Variants in TENM3 observed in about 807,000 individuals in gnomAD.
TENM3 encodes teneurin-3.
TENM3 carries 63 observed loss-of-function variants against 255.1 expected under a neutral mutation model. That is an observed-to-expected ratio of 0.25 (90% CI 0.20 to 0.30). TENM3 has a LOEUF of 0.30. Among genes scored for constraint, TENM3 ranks in the 10% least tolerant of loss-of-function variants. The pLI, the probability that TENM3 is intolerant of heterozygous loss-of-function variation, is 1.00. For synonymous variants in TENM3, 1,306 were observed against 1,322.3 expected (o/e 0.99, Z 0.27); for missense variants, 2,929 against 3,461.1 (o/e 0.85, Z 3.86).
At chr4:181,859,200 G>A in the TENM3 span, among the ~76,000 whole-genome samples, 1 of 127,136 alleles carries the variant, frequency 7.9e-6, no homozygotes, top group African/African-American at 2.9e-5. Context: ...CCGAGATCGT[G>A]CCACTGCGCT....
rs1374225660 is a variant in TENM3, at chr4:182,346,678, GAGTTTGTGAACCAGC to G, written c.262_276del (p.Val88_Ala92del). ...CAGAATTTTACCCTAAGGCAGTTAG[GAGTTTGTGAACCAGC>G]AACTCGAAGAGGACTGGCATTTTGT... is the stretch of plus-strand genomic sequence containing the variant. On this transcript the variant is annotated inframe_deletion, in exon 3 of 28. Coordinates refer to ENST00000511685, the MANE Select transcript of TENM3 (RefSeq NM_001080477.4). 1 of 1,613,740 alleles carries G rather than the reference GAGTTTGTGAACCAGC, an allele frequency of 6.2e-7. No individual in the cohort carries two copies. The highest frequency in any genetic ancestry group is 8.5e-7 in the Non-Finnish European group (1 of 1,179,828).
intron 11 of TENM3, among the ~76,000 whole-genome samples, chr4:182,684,030 G>A (rs1286361952): frequency 6.6e-6 from 1 of 151,798 alleles, no homozygotes; most frequent in Non-Finnish European, 1.5e-5. Context: ...GGGGGAGGCT[G>A]ATTGAAGAGG....
the TENM3 span, among the ~76,000 whole-genome samples, chr4:182,076,213 CTT>C: frequency 0.04 from 5,015 of 125,966 alleles, 92 homozygotes; most frequent in Non-Finnish European, 0.044. Context: ...TCTTCTTCTT[CTT>C]TTTTTTTTTT....
chr4:181,630,692 C>A, the TENM3 span, among the ~76,000 whole-genome samples: 2 of 152,076 alleles, frequency 1.3e-5, no homozygotes, highest in Non-Finnish European at 2.9e-5. Flanking sequence ...GATTGCACTG[C>A]GGTCTGAGAA....
intron 1 of TENM3, among the ~76,000 whole-genome samples, chr4:182,184,131 G>A (rs1257343755): frequency 2.0e-5 from 3 of 152,142 alleles, no homozygotes; most frequent in East Asian, 1.9e-4. Context: ...TACAGCAAGA[G>A]TACTATAGGT....
chr4:182,146,669 C>T (rs1306376093), intron 1 of TENM3, among the ~76,000 whole-genome samples: 1 of 152,122 alleles, frequency 6.6e-6, no homozygotes, highest in Non-Finnish European at 1.5e-5. Context: ...ATTTTACATG[C>T]ACTGCACAGT....
At chr4:182,247,087 T>C (rs143333964) in intron 1 of TENM3, among the ~76,000 whole-genome samples, 1 of 152,172 alleles carries the variant, frequency 6.6e-6, no homozygotes, top group Non-Finnish European at 1.5e-5. Context: ...AATGGTGTTT[T>C]TGAAGGACAG....
At chr4:182,549,536 A>C (rs1438979146) in intron 3 of TENM3, among the ~76,000 whole-genome samples, 1 of 152,208 alleles carries the variant, frequency 6.6e-6, no homozygotes, top group African/African-American at 2.4e-5. Context: ...GTTGGAAAGC[A>C]AATGTTAGGC....
intron 3 of TENM3, among the ~76,000 whole-genome samples, chr4:182,484,015 C>G (rs559895805): frequency 1.3e-5 from 2 of 152,102 alleles, no homozygotes; most frequent in Non-Finnish European, 2.9e-5. Flanking sequence ...GACACAAACC[C>G]GAACCACATC....
At chr4:182,700,834 A>G (rs1323064619) in intron 12 of TENM3, among the ~76,000 whole-genome samples, 1 of 152,118 alleles carries the variant, frequency 6.6e-6, no homozygotes, top group Non-Finnish European at 1.5e-5. Flanking sequence ...TATATACTAA[A>G]TTAGTTTTTA....
chr4:181,490,560 G>A, the TENM3 span, among the ~76,000 whole-genome samples: 4 of 152,084 alleles, frequency 2.6e-5, no homozygotes, highest in African/African-American at 4.8e-5. Flanking sequence ...CCCTAATCCC[G>A]AGCAAGAGGA....
intron 3 of TENM3, among the ~76,000 whole-genome samples, chr4:182,504,298 C>T (rs575386175): frequency 4.0e-5 from 6 of 151,898 alleles, no homozygotes; most frequent in South Asian, 2.1e-4. Context: ...CAGAGAGAGA[C>T]GTAAATGCTT....
chr4:182,755,379 G>A lies in TENM3; in HGVS notation c.4892+120G>A, dbSNP rs1001355416. On this transcript the variant is annotated intron_variant, in intron 22 of 27. Coordinates refer to ENST00000511685, the MANE Select transcript of TENM3 (RefSeq NM_001080477.4). Reference sequence around the variant, plus strand: ...ATGTTTTTGAGAGTCTAGAGCTTCTGTAATTTTTGGATCCCGGCTGGGCAC... The same window carrying A: ...ATGTTTTTGAGAGTCTAGAGCTTCTATAATTTTTGGATCCCGGCTGGGCAC... 2.9e-6 allele frequency: 3 copies of A among 1,045,444 alleles called. No homozygotes were observed. The African/African-American group carries it at 4.8e-5, about 17-fold the overall frequency. 64.8% of individuals were successfully genotyped at this position (1,045,444 alleles called of 1,614,324 possible). A position where few individuals can be genotyped will look rare whatever the true frequency, so the allele number is the denominator to read the frequency against.
intron 3 of TENM3, among the ~76,000 whole-genome samples, chr4:182,355,021 C>A (rs558705323): frequency 1.3e-5 from 2 of 152,206 alleles, no homozygotes; most frequent in African/African-American, 2.4e-5. Flanking sequence ...TTGGGCAAAC[C>A]GGCAAGTAGG....
At chr4:181,821,492 T>G in the TENM3 span, 7 of 152,302 alleles carry the variant, frequency 4.6e-5, no homozygotes, top group African/African-American at 1.4e-4. Flanking sequence ...TTAGTGCTAG[T>G]GAACACAGAG....
At chr4:181,815,431 CCA>C in the TENM3 span, among the ~76,000 whole-genome samples, 2 of 131,644 alleles carry the variant, frequency 1.5e-5, no homozygotes, top group Non-Finnish European at 3.1e-5. Flanking sequence ...CCAGTGCACT[CCA>C]GCCTGGGCGA....
At chr4:181,928,688 A>G in the TENM3 span, among the ~76,000 whole-genome samples, 1 of 152,122 alleles carries the variant, frequency 6.6e-6, no homozygotes, top group East Asian at 1.9e-4. Flanking sequence ...GAACACCACA[A>G]AGATACTCCC....
At chr4:182,238,211 G>C (rs12508476) in intron 1 of TENM3, among the ~76,000 whole-genome samples, 118,871 of 152,064 alleles carry the variant, frequency 0.78, 47,096 homozygotes, top group African/African-American at 0.86. Flanking sequence ...TGGGGTCGTC[G>C]GAAGCCTGGA....
At chr4:181,897,742 G>A in the TENM3 span, among the ~76,000 whole-genome samples, 1 of 152,180 alleles carries the variant, frequency 6.6e-6, no homozygotes, top group East Asian at 1.9e-4. Flanking sequence ...GCTGGCCAGT[G>A]ATAGTGACAC....
Sources: gnomAD v4.1 joint callset for allele counts (sites outside exome capture counted in the v4.1 genomes callset) on GRCh38, gnomAD v4.1.1 for gene constraint, MANE v1.5 for transcripts, NCBI Gene and HGNC (gene_info 2026-07-23, HGNC 2026-07-21) for gene names.